NCK2: variants seen among roughly 807,000 people sequenced by gnomAD.
The protein encoded by NCK2 is NCK adaptor protein 2.
In NCK2, 16 loss-of-function variants were observed where a neutral mutation model predicts 33.9. That is an observed-to-expected ratio of 0.47 (90% CI 0.32 to 0.72). The LOEUF is 0.72. Among genes scored for constraint, NCK2 ranks in the 30% least tolerant of loss-of-function variants. The pLI is 0.03. For synonymous variants in NCK2, 273 were observed against 239.9 expected, an observed-to-expected ratio of 1.14 and a Z score of -1.27; for missense variants, 418 against 537.3, an observed-to-expected ratio of 0.78 and a Z score of 2.19.
At chr2:105,883,124 G>A (rs923972031) in intron 4 of NCK2, among the ~76,000 whole-genome samples, 3 of 152,130 alleles carry the variant, frequency 2.0e-5, no homozygotes, top group African/African-American at 7.2e-5. Context: ...TCAATTTTGC[G>A]GAGCCTTACA....
At chr2:105,768,627 G>A (rs1262311096) in intron 1 of NCK2, among the ~76,000 whole-genome samples, 1 of 152,136 alleles carries the variant, frequency 6.6e-6, no homozygotes, top group Non-Finnish European at 1.5e-5. Context: ...CTTTGAATAC[G>A]GCCCAACACA....
intron 1 of NCK2, among the ~76,000 whole-genome samples, chr2:105,761,711 C>A (rs867915581): frequency 1.3e-5 from 2 of 152,028 alleles, no homozygotes; most frequent in South Asian, 2.1e-4. Flanking sequence ...AACCCTGTCT[C>A]TACAAGAAAT....
chr2:105,868,406 G>A (rs1432075404), intron 3 of NCK2, among the ~76,000 whole-genome samples: 1 of 152,142 alleles, frequency 6.6e-6, no homozygotes, highest in African/African-American at 2.4e-5. Context: ...GGTGGCCTGC[G>A]TTCCTTCCTG....
chr2:105,813,860 G>A (rs907493552), intron 1 of NCK2, among the ~76,000 whole-genome samples: 1 of 152,182 alleles, frequency 6.6e-6, no homozygotes, highest in African/African-American at 2.4e-5. Context: ...AGATACGTAC[G>A]GTATCAGTGT....
At chr2:105,862,966 AATC>A (rs1383391417) in intron 3 of NCK2, among the ~76,000 whole-genome samples, 5 of 151,802 alleles carry the variant, frequency 3.3e-5, no homozygotes, top group African/African-American at 1.2e-4. Flanking sequence ...GGCCAGAAAG[AATC>A]ATCGAGTATC....
rs191748498 is a variant in NCK2, at chr2:105,774,678, G to A, written c.-201+29540G>A. 2.6e-5 allele frequency among the ~76,000 whole-genome samples: 4 copies of A among 152,168 alleles called. No individual in the cohort carries two copies. The East Asian group carries it at 7.7e-4, about 29-fold the overall frequency. ...GCCTGTCCACTCTGTGGTGCGGTAG[G>A]GAGAGGAGGTGTCAAGTTGTCTGGG... On this transcript the variant is annotated intron_variant, in intron 1 of 4. Transcript: ENST00000233154.
intron 1 of NCK2, among the ~76,000 whole-genome samples, chr2:105,813,380 C>G (rs1017418802): frequency 1.3e-5 from 2 of 152,182 alleles, no homozygotes; most frequent in Non-Finnish European, 2.9e-5. Flanking sequence ...GGTTGAGTGA[C>G]AGCACCCAGT....
chr2:105,855,002 G>A (rs1677201800), intron 2 of NCK2, 46 bp from the exon 3 acceptor site: 1 of 1,445,108 alleles, frequency 6.9e-7, no homozygotes, highest in Non-Finnish European at 9.7e-7. Context: ...AGGATGAAGT[G>A]TCCGGGTAGT....
chr2:105,869,171 C>T (rs187785702), intron 3 of NCK2, among the ~76,000 whole-genome samples: 7 of 152,254 alleles, frequency 4.6e-5, no homozygotes, highest in Admixed American at 4.6e-4. Context: ...CCCTGAGAGC[C>T]GAAGTGAGCT....
chr2:105,789,112 G>A lies in NCK2; in HGVS notation c.-200-27318G>A, dbSNP rs537014567. Among the ~76,000 whole-genome samples, 10 of 152,228 alleles carry A rather than the reference G, an allele frequency of 6.6e-5. No individual in the cohort carries two copies. The South Asian group carries it at 1.7e-3, about 25-fold the overall frequency. ...GCCCCACCCACCTTCCTCAGCTGAG[G>A]GCCTGGGACCCTCGGCTCCCATAGC... On this transcript the variant is annotated intron_variant, in intron 1 of 4. Coordinates refer to ENST00000233154, the MANE Select transcript of NCK2 (RefSeq NM_003581.5).
At chr2:105,750,067 C>CACACAA (rs1553449504) in intron 1 of NCK2, among the ~76,000 whole-genome samples, 1 of 151,296 alleles carries the variant, frequency 6.6e-6, no homozygotes, top group Non-Finnish European at 1.5e-5. Context: ...CACACACACA[C>CACACAA]AAAACAACAA....
At chr2:105,766,092 T>A (rs1210050687) in intron 1 of NCK2, among the ~76,000 whole-genome samples, 1 of 152,086 alleles carries the variant, frequency 6.6e-6, no homozygotes, top group East Asian at 1.9e-4. Context: ...AGAAATCGCT[T>A]TATACTGTTC....
At chr2:105,831,463 G>A (rs1394552846) in intron 2 of NCK2, among the ~76,000 whole-genome samples, 1 of 131,542 alleles carries the variant, frequency 7.6e-6, no homozygotes, top group Non-Finnish European at 1.6e-5. Flanking sequence ...TAAAATCTTT[G>A]CCCAGACCAA....
intron 1 of NCK2, among the ~76,000 whole-genome samples, chr2:105,785,848 A>T (rs1690660850): frequency 6.6e-6 from 1 of 152,128 alleles, no homozygotes; most frequent in Non-Finnish European, 1.5e-5. Context: ...TTCTCATTTG[A>T]TGTGCTGAAG....
At position 105,834,334 on chromosome 2, in the gene NCK2, A is replaced by G. The variant is rs527627078; in HGVS notation, c.-17+17721A>G. On this transcript the variant is annotated intron_variant, in intron 2 of 4. Coordinates refer to ENST00000233154, the MANE Select transcript of NCK2 (RefSeq NM_003581.5). ...GTGGGTGCCCTGTTCTTGGGTACAT[A>G]TATATTTACAATTGTTATGTCTTTT... Among the ~76,000 whole-genome samples the G allele has an allele frequency of 8.8e-4, 134 of 152,272 alleles. 1 individual carries two copies. Among genetic ancestry groups the G allele is most frequent in the Non-Finnish European group, 1.7e-3 (119 of 68,016 alleles).
At chr2:105,837,423 G>C (rs1676473015) in intron 2 of NCK2, among the ~76,000 whole-genome samples, 1 of 152,196 alleles carries the variant, frequency 6.6e-6, no homozygotes, top group Non-Finnish European at 1.5e-5. Context: ...CAAGTCATCT[G>C]TGTGATTGTG....
At chr2:105,872,073 G>A (rs964248993) in intron 3 of NCK2, among the ~76,000 whole-genome samples, 1 of 152,118 alleles carries the variant, frequency 6.6e-6, no homozygotes, top group Non-Finnish European at 1.5e-5. Context: ...TTAAACGTAC[G>A]CAGTTCTTAA....
intron 1 of NCK2, among the ~76,000 whole-genome samples, chr2:105,810,074 C>T (rs1573618775): frequency 1.3e-5 from 2 of 152,120 alleles, no homozygotes; most frequent in Non-Finnish European, 2.9e-5. Context: ...ACACACATCC[C>T]CACTCTTCAT....
At chr2:105,885,414 T>C (rs1407109291) in intron 4 of NCK2, among the ~76,000 whole-genome samples, 1 of 152,228 alleles carries the variant, frequency 6.6e-6, no homozygotes, top group African/African-American at 2.4e-5. Flanking sequence ...GGAAATAAAA[T>C]AGAATAGCTC....
Sources: gnomAD v4.1 joint callset for allele counts (sites outside exome capture counted in the v4.1 genomes callset) on GRCh38, gnomAD v4.1.1 for gene constraint, MANE v1.5 for transcripts, NCBI Gene and HGNC (gene_info 2026-07-23, HGNC 2026-07-21) for gene names.